LRRC4C: variants seen among roughly 807,000 people sequenced by gnomAD.
The protein encoded by LRRC4C is leucine-rich repeat-containing protein 4C.
In LRRC4C, 5 loss-of-function variants were observed where a neutral mutation model predicts 33.6. That is an observed-to-expected ratio of 0.15 (90% CI 0.08 to 0.31). The LOEUF is 0.31. Among genes scored for constraint, LRRC4C ranks in the 10% least tolerant of loss-of-function variants. LRRC4C has a pLI of 1.00. For missense variants in LRRC4C, 560 were observed against 796.7 expected (o/e 0.70, Z 3.58); for synonymous variants, 329 against 302.0 (o/e 1.09, Z -0.93).
At chr11:40,294,775 C>T (rs1438064183) in intron 4 of LRRC4C, among the ~76,000 whole-genome samples, 4 of 151,848 alleles carry the variant, frequency 2.6e-5, no homozygotes, top group African/African-American at 9.7e-5. Flanking sequence ...TGCAGTGAGC[C>T]GAGATTGGGC....
chr11:41,224,878 G>T (rs1947461666), intron 1 of LRRC4C, among the ~76,000 whole-genome samples: 1 of 152,148 alleles, frequency 6.6e-6, no homozygotes, highest in Non-Finnish European at 1.5e-5. Context: ...AGCACCCTAA[G>T]TGTCCATCAA....
chr11:40,849,547 T>G (rs895709829), intron 2 of LRRC4C, among the ~76,000 whole-genome samples: 2 of 151,838 alleles, frequency 1.3e-5, no homozygotes, highest in African/African-American at 4.8e-5. Context: ...TGGGTAACCT[T>G]TCTCTCTGGC....
chr11:41,082,515 C>T (rs747436930), intron 1 of LRRC4C, among the ~76,000 whole-genome samples: 49 of 147,590 alleles, frequency 3.3e-4, no homozygotes, highest in Non-Finnish European at 5.6e-4. Context: ...AAGCACTGAG[C>T]TAAGCGTTTT....
Position 40,198,517 on chromosome 11 carries a change from G to C in LRRC4C, c.-96+43002C>G, listed in dbSNP as rs565195134. The stretch of plus-strand genomic sequence containing the variant: ...TACATGTCAAGATGCACCATAGCAT[G>C]TAATCCGTTTCTATATTTATTTATT... On this transcript the variant is annotated intron_variant, in intron 5 of 6. Coordinates refer to ENST00000528697, the MANE Select transcript of LRRC4C (RefSeq NM_001258419.2). 7.9e-5 allele frequency among the ~76,000 whole-genome samples: 12 copies of C among 152,312 alleles called. No homozygotes were observed. The South Asian group carries it at 2.5e-3, about 32-fold the overall frequency.
intron 2 of LRRC4C, among the ~76,000 whole-genome samples, chr11:40,725,229 G>A (rs914759019): frequency 2.6e-5 from 4 of 152,304 alleles, no homozygotes; most frequent in Admixed American, 1.3e-4. Flanking sequence ...ACTGGAGGCC[G>A]GGTGCAGTGG....
intron 2 of LRRC4C, among the ~76,000 whole-genome samples, chr11:40,800,027 A>G (rs1177637810): frequency 6.6e-6 from 1 of 152,232 alleles, no homozygotes; most frequent in Admixed American, 6.6e-5. Context: ...CAGAGGAGAA[A>G]AAAAGAGGGA....
chr11:40,890,512 T>C (rs1955653404), intron 2 of LRRC4C, among the ~76,000 whole-genome samples: 1 of 152,192 alleles, frequency 6.6e-6, no homozygotes, highest in Non-Finnish European at 1.5e-5. Context: ...TTTAGGATTG[T>C]TTCAAATATA....
rs76780678 is a variant in LRRC4C at position 40,566,361 on chromosome 11, T to A, written c.-270+81781A>T. On this transcript the variant is annotated intron_variant, in intron 3 of 6. Coordinates refer to ENST00000528697, the MANE Select transcript of LRRC4C (RefSeq NM_001258419.2). The stretch of plus-strand genomic sequence containing the variant: ...AAGTCAAAATTTTGAACGATGAACG[T>A]TGAGTACCATATTTCTACTCTATAT... Among the ~76,000 whole-genome samples the A allele has an allele frequency of 2.4e-4, 37 of 152,128 alleles. No homozygotes were observed. In the East Asian group the frequency reaches 6.8e-3, roughly 28 times the overall value.
At chr11:40,458,480 A>T (rs1458567842) in intron 3 of LRRC4C, among the ~76,000 whole-genome samples, 3 of 152,122 alleles carry the variant, frequency 2.0e-5, no homozygotes. Context: ...TAAAATACTA[A>T]TTCTTGTATT....
intron 2 of LRRC4C, among the ~76,000 whole-genome samples, chr11:40,900,088 T>A (rs1308953955): frequency 6.6e-6 from 1 of 152,154 alleles, no homozygotes; most frequent in Non-Finnish European, 1.5e-5. Flanking sequence ...TATTTTTTTA[T>A]ATGAAGTACC....
At chr11:40,238,777 T>C (rs1865739745) in intron 5 of LRRC4C, among the ~76,000 whole-genome samples, 1 of 152,142 alleles carries the variant, frequency 6.6e-6, no homozygotes, top group Admixed American at 6.6e-5. Context: ...TTCTCCCCTA[T>C]CTTATTCATA....
chr11:40,437,186 C>T (rs1034576605), intron 3 of LRRC4C, among the ~76,000 whole-genome samples: 3 of 151,984 alleles, frequency 2.0e-5, no homozygotes, highest in African/African-American at 7.3e-5. Context: ...AGGATCTTTC[C>T]TTTTTTCTCA....
intron 4 of LRRC4C, among the ~76,000 whole-genome samples, chr11:40,254,293 A>G (rs1164699143): frequency 1.3e-5 from 2 of 152,246 alleles, no homozygotes; most frequent in East Asian, 1.9e-4. Flanking sequence ...AGTGCTTAAA[A>G]GTAGACTTAG....
chr11:40,625,167 C>T (rs186327910), intron 3 of LRRC4C, among the ~76,000 whole-genome samples: 19 of 152,282 alleles, frequency 1.2e-4, no homozygotes, highest in African/African-American at 3.6e-4. Flanking sequence ...TTTTAACCAA[C>T]ATATGTTGAT....
chr11:40,432,856 T>C (rs1950988904), intron 3 of LRRC4C, among the ~76,000 whole-genome samples: 1 of 152,196 alleles, frequency 6.6e-6, no homozygotes, highest in Non-Finnish European at 1.5e-5. Flanking sequence ...TAGAGAGTTA[T>C]TATTTTCCCA....
intron 3 of LRRC4C, among the ~76,000 whole-genome samples, chr11:40,527,882 G>C (rs1307562351): frequency 6.6e-6 from 1 of 151,998 alleles, no homozygotes; most frequent in Non-Finnish European, 1.5e-5. Context: ...CCAAGTAGCT[G>C]GGATTACAGG....
chr11:40,996,267 A>G (rs1565283966), intron 1 of LRRC4C, among the ~76,000 whole-genome samples: 2 of 152,144 alleles, frequency 1.3e-5, no homozygotes, highest in South Asian at 4.1e-4. Flanking sequence ...TGTGCTGACA[A>G]TGGACCCTAA....
intron 1 of LRRC4C, among the ~76,000 whole-genome samples, chr11:41,253,351 G>A (rs995449366): frequency 6.6e-6 from 1 of 152,036 alleles, no homozygotes; most frequent in African/African-American, 2.4e-5. Context: ...AAGCAAAGCT[G>A]CTCTAAGTAG....
chr11:41,116,059 T>C (rs894237155), intron 1 of LRRC4C, among the ~76,000 whole-genome samples: 10 of 152,168 alleles, frequency 6.6e-5, no homozygotes, highest in African/African-American at 2.4e-4. Context: ...GTATTACTTT[T>C]CATGTCTTTA....
Sources: allele counts gnomAD v4.1 joint callset (sites outside exome capture counted in the v4.1 genomes callset), GRCh38; gene constraint gnomAD v4.1.1; transcripts MANE v1.5; gene names NCBI Gene and HGNC (gene_info 2026-07-23, HGNC 2026-07-21).